The following CLASP2 variants were observed in gnomAD, a reference collection of about 807,000 sequenced individuals.
CLASP2 encodes the protein CLIP-associating protein 2.
In CLASP2, 47 loss-of-function variants were observed where a neutral mutation model predicts 194.4. The observed-to-expected ratio is 0.24, with a 90% confidence interval of 0.19 to 0.31. CLASP2 has a LOEUF of 0.31. Ranked by LOEUF, CLASP2 falls within the 10% of genes least tolerant of loss-of-function variation. CLASP2 has a pLI of 1.00. For synonymous variants in CLASP2, 619 were observed against 633.5 expected (o/e 0.98, Z 0.34); for missense variants, 1,445 against 1,823.6 (o/e 0.79, Z 3.78).
In CLASP2 at chr3:33,588,690, T is replaced by C. The variant is rs746509612; in HGVS notation, c.2068+3705A>G. ...TCAAACAACAGATGCACACATAAAGTCTATAGATTCTTACCACCAATGGTA... is the reference window on the plus strand; with the variant it reads ...TCAAACAACAGATGCACACATAAAGCCTATAGATTCTTACCACCAATGGTA... On this transcript the variant is annotated intron_variant, in intron 21 of 38. Transcript: ENST00000682230. 4 of 702,146 alleles carry C rather than the reference T, an allele frequency of 5.7e-6. No homozygotes were observed. In the South Asian group the frequency reaches 5.9e-5, roughly 10 times the overall value. The allele number at this position is 702,146 out of a possible 1,614,324, so 43.5% of individuals were successfully genotyped here. A position where few individuals can be genotyped will look rare whatever the true frequency, so the allele number is the denominator to read the frequency against.
chr3:33,603,255 G>A, intron 17 of CLASP2, 130 bp from the exon 18 acceptor site: 1 of 901,690 alleles, frequency 1.1e-6, no homozygotes, highest in Non-Finnish European at 1.6e-6. Context: ...CAAATGGACA[G>A]TACTATTAAG....
intron 29 of CLASP2, among the ~76,000 whole-genome samples, chr3:33,556,683 T>C (rs905742906): frequency 5.3e-5 from 8 of 152,082 alleles, no homozygotes; most frequent in Admixed American, 2.6e-4. Flanking sequence ...ATGATCCACC[T>C]ACCTTGGCCT....
At chr3:33,550,927 C>T (rs973064341) in intron 30 of CLASP2, among the ~76,000 whole-genome samples, 1 of 152,046 alleles carries the variant, frequency 6.6e-6, no homozygotes, top group Non-Finnish European at 1.5e-5. Flanking sequence ...AAAAACAAGT[C>T]TAAAAATTGA....
At chr3:33,510,464 CT>C in intron 37 of CLASP2, 93 bp downstream of exon 37, 1 of 1,149,886 alleles carries the variant, frequency 8.7e-7, no homozygotes, top group Non-Finnish European at 1.3e-6. Context: ...GGGAGGAAGG[CT>C]TGATCATGCC....
At chr3:33,542,321 T>C (rs1427983081) in intron 32 of CLASP2, among the ~76,000 whole-genome samples, 3 of 148,668 alleles carry the variant, frequency 2.0e-5, no homozygotes, top group African/African-American at 7.3e-5. Context: ...TATGTTTATA[T>C]ATATAATTCA....
intron 6 of CLASP2, among the ~76,000 whole-genome samples, chr3:33,683,931 C>CAAAAAAACAAAAAAAAAAAAA (rs2090225581): frequency 1.3e-5 from 1 of 78,890 alleles, no homozygotes; most frequent in African/African-American, 5.0e-5. Flanking sequence ...GACTCTGTCT[C>CAAAAAAACAAAAAAAAAAAAA]AAAAAAAAAA....
At chr3:33,533,882 A>C (rs2056822764) in intron 34 of CLASP2, among the ~76,000 whole-genome samples, 1 of 152,062 alleles carries the variant, frequency 6.6e-6, no homozygotes, top group Non-Finnish European at 1.5e-5. Context: ...ACGCCCAGCT[A>C]ATTTTCATAT....
At chr3:33,717,707 C>T in intron 1 of CLASP2, 101 bp downstream of exon 1, 3 of 1,266,986 alleles carry the variant, frequency 2.4e-6, no homozygotes, top group Non-Finnish European at 3.3e-6. Flanking sequence ...CCCTCTTAAG[C>T]AGTGGTTCGG....
At chr3:33,670,653 C>T (rs1392486294) in intron 6 of CLASP2, among the ~76,000 whole-genome samples, 1 of 152,094 alleles carries the variant, frequency 6.6e-6, no homozygotes, top group Non-Finnish European at 1.5e-5. Flanking sequence ...CAGAGCATAA[C>T]CCATCAGCAG....
chr3:33,571,266 GC>G (rs1407925596), intron 25 of CLASP2, among the ~76,000 whole-genome samples: 1 of 148,360 alleles, frequency 6.7e-6, no homozygotes, highest in Non-Finnish European at 1.5e-5. Flanking sequence ...GCCCGCCTCA[GC>G]CTCCCAAAGT....
intron 27 of CLASP2, among the ~76,000 whole-genome samples, chr3:33,562,674 C>G (rs1198644360): frequency 1.3e-5 from 2 of 152,150 alleles, no homozygotes; most frequent in Non-Finnish European, 2.9e-5. Context: ...TCACTTTCAC[C>G]CTTGTTTCAA....
intron 34 of CLASP2, among the ~76,000 whole-genome samples, chr3:33,520,886 A>T (rs942747086): frequency 6.6e-6 from 1 of 151,264 alleles, no homozygotes. Flanking sequence ...GCCCACTGAG[A>T]GGTCTGGGGA....
intron 18 of CLASP2, among the ~76,000 whole-genome samples, chr3:33,599,340 C>G (rs887558609): frequency 1.3e-5 from 2 of 152,000 alleles, no homozygotes; most frequent in African/African-American, 4.8e-5. Context: ...CCAGGCTGGT[C>G]TCAAATTCCT....
chr3:33,644,779 T>C lies in CLASP2; in HGVS notation c.840A>G (p.Ser280=). The part of the protein sequence containing the change: ...NPANSARKPG[S]AGGPKVGGAS... ...TACCTCCAACCTTAGGGCCACCTGCTGAACCAGGCTTCCTTGCACTGTTGG... is the reference window on the plus strand; with the variant it reads ...TACCTCCAACCTTAGGGCCACCTGCCGAACCAGGCTTCCTTGCACTGTTGG... The change falls in exon 8 of 39, where the codon TCA becomes TCG. Residue 280 remains serine (S), a synonymous_variant. Transcript: ENST00000682230. 1.2e-6 allele frequency: 2 copies of C among 1,613,458 alleles called. No individual in the cohort carries two copies. The highest frequency in any genetic ancestry group is 1.7e-6 in the Non-Finnish European group (2 of 1,179,680).
At chr3:33,503,243 A>G (rs2047238733) in intron 37 of CLASP2, 1 of 152,118 alleles carries the variant, frequency 6.6e-6, no homozygotes, top group South Asian at 2.1e-4. Flanking sequence ...TGTATGATAT[A>G]TCATGTTGTT....
At chr3:33,622,561 T>C (rs972691598) in intron 10 of CLASP2, among the ~76,000 whole-genome samples, 1 of 152,176 alleles carries the variant, frequency 6.6e-6, no homozygotes, top group East Asian at 1.9e-4. Flanking sequence ...AGGGAATCTA[T>C]TTTATTTATT....
chr3:33,640,681 TATC>T (rs1345580027), intron 8 of CLASP2, among the ~76,000 whole-genome samples: 10 of 152,138 alleles, frequency 6.6e-5, no homozygotes, highest in Non-Finnish European at 1.2e-4. Flanking sequence ...ATGATAATTA[TATC>T]ATCATCTAAT....
intron 6 of CLASP2, among the ~76,000 whole-genome samples, chr3:33,673,804 T>A (rs2087900439): frequency 6.6e-6 from 1 of 152,120 alleles, no homozygotes; most frequent in African/African-American, 2.4e-5. Flanking sequence ...TAGTCTCTGA[T>A]GAAACAGACT....
intron 38 of CLASP2, 50 bp from the exon 39 acceptor site, chr3:33,498,767 A>G (rs1181466839): frequency 8.5e-7 from 1 of 1,169,898 alleles, no homozygotes. Context: ...GCTCCAAATT[A>G]TAAGATACTC....
Sources: allele counts gnomAD v4.1 joint callset (sites outside exome capture counted in the v4.1 genomes callset), GRCh38; gene constraint gnomAD v4.1.1; transcripts MANE v1.5; gene names NCBI Gene and HGNC (gene_info 2026-07-23, HGNC 2026-07-21).